The following CNTD1 variants were observed in gnomAD, a reference collection of about 807,000 sequenced individuals.
The protein encoded by CNTD1 is cyclin N-terminal domain containing 1, also known as cyclin N-terminal domain-containing protein 1.
In CNTD1, 17 loss-of-function variants were observed where a neutral mutation model predicts 36.3. The observed-to-expected ratio is 0.47, with a 90% CI of 0.32 to 0.70. The LOEUF is 0.70. Ranked by LOEUF, CNTD1 falls within the 30% of genes least tolerant of loss-of-function variation. The pLI is 0.03. For synonymous variants in CNTD1, 128 were observed against 153.3 expected, an observed-to-expected ratio of 0.83 and a Z score of 1.22; for missense variants, 338 against 386.1, an observed-to-expected ratio of 0.88 and a Z score of 1.04.
intron 6 of CNTD1, among the ~76,000 whole-genome samples, chr17:42,808,589 T>C (rs1238096012): frequency 1.4e-5 from 2 of 141,246 alleles, no homozygotes; most frequent in Non-Finnish European, 3.0e-5. Flanking sequence ...TAGCCGGGCA[T>C]GGTGGTGCAT....
chr17:42,806,742 T>A lies in CNTD1; in HGVS notation c.649T>A (p.Tyr217Asn). 1 of 1,614,186 alleles carries A rather than the reference T, an allele frequency of 6.2e-7. No homozygotes were observed. The highest frequency in any genetic ancestry group is 8.5e-7 in the Non-Finnish European group (1 of 1,180,016). ...ATCLTLLDLVYLLHEPIYESL... is the reference protein window; with the variant it reads ...ATCLTLLDLVNLLHEPIYESL... ...CTGCCTGACACTGCTCGACCTGGTC[T>A]ATCTTCTGCATGAACCCATATATGA... is the stretch of plus-strand genomic sequence containing the variant. Residue 217 changes from tyrosine (Y) to asparagine (N), a missense_variant, in exon 5 of 7, where the codon TAT becomes AAT. Tyr to Asn is a moderately radical substitution (Grantham distance 143). Coordinates refer to ENST00000588408, the MANE Select transcript of CNTD1 (RefSeq NM_173478.3).
At chr17:42,802,668 ATTG>A (rs1351295057) in intron 1 of CNTD1, among the ~76,000 whole-genome samples, 1 of 152,200 alleles carries the variant, frequency 6.6e-6, no homozygotes, top group African/African-American at 2.4e-5. Flanking sequence ...TGTTGAGTAG[ATTG>A]TTACTTGTGT....
rs1470457807 is a variant in CNTD1, at chr17:42,801,509, AAATATATAT to A, written c.170-2109_170-2101del. Among the ~76,000 whole-genome samples the A allele has an allele frequency of 1.0e-3, 52 of 50,270 alleles. 2 individuals carry two copies. The highest frequency in any genetic ancestry group is 8.0e-3 in the African/African-American group (49 of 6,132). 33.0% of individuals were successfully genotyped at this position (50,270 alleles called of 152,430 possible). ...AGACCTTGTCTCAAAAAAAAAAAAAAAATATATATATATATATATATATATATATATATA... is the reference window on the plus strand; with the variant it reads ...AGACCTTGTCTCAAAAAAAAAAAAAAATATATATATATATATATATATATA... On this transcript the variant is annotated intron_variant, in intron 1 of 6. Coordinates refer to ENST00000588408, the MANE Select transcript of CNTD1 (RefSeq NM_173478.3).
At position 42,810,937 on chromosome 17, in the gene CNTD1, G is replaced by C; in HGVS notation, c.*1402G>C. 1.3e-6 allele frequency: 2 copies of C among 1,596,962 alleles called. No homozygotes were observed. Among genetic ancestry groups the C allele is most frequent in the Non-Finnish European group, 1.7e-6 (2 of 1,171,648 alleles). The stretch of plus-strand genomic sequence containing the variant: ...CTTTCTCCACATCCATCCTGCAGAT[G>C]GACAGAGCAAAACTCATTAGTAACT... On this transcript the variant is annotated 3_prime_UTR_variant, in exon 7 of 7. Coordinates refer to ENST00000588408, the MANE Select transcript of CNTD1 (RefSeq NM_173478.3).
chr17:42,801,549 T>TATATATAAA (rs1567660361), intron 1 of CNTD1, among the ~76,000 whole-genome samples: 1 of 45,442 alleles, frequency 2.2e-5, no homozygotes, highest in Non-Finnish European at 4.1e-5. Context: ...ATATATATAA[T>TATATATAAA]ATATGTGTGT....
At chr17:42,807,716 G>C (rs2054904222) in intron 5 of CNTD1, 52 bp from the exon 6 acceptor site, 1 of 1,279,956 alleles carries the variant, frequency 7.8e-7, no homozygotes. Context: ...CTATGATTTG[G>C]AAGATCAAGT....
Position 42,811,251 on chromosome 17 carries a change from A to G in CNTD1, c.*1716A>G, listed in dbSNP as rs1449941969. 1 of 299,062 alleles carries G rather than the reference A, an allele frequency of 3.3e-6. No homozygotes were observed. Among genetic ancestry groups the G allele is most frequent in the Non-Finnish European group, 6.1e-6 (1 of 164,430 alleles). The allele number at this position is 299,062 out of a possible 1,614,324, so 18.5% of individuals were successfully genotyped here. Reference sequence around the variant, plus strand: ...TGGCGGGGGAGAAAGGAGGCAGAAGAAAAGAAATGCTTTGTTTTGGGGTGA... The same window carrying G: ...TGGCGGGGGAGAAAGGAGGCAGAAGGAAAGAAATGCTTTGTTTTGGGGTGA... On this transcript the variant is annotated 3_prime_UTR_variant, in exon 7 of 7. Transcript: ENST00000588408.
At position 42,805,826 on chromosome 17, in the gene CNTD1, C is replaced by T; in HGVS notation, c.522C>T (p.Asn174=). Residue 174 remains asparagine (N), a synonymous_variant, in exon 4 of 7, where the codon AAC becomes AAT. Transcript: ENST00000588408. ...ESELDVLKSL[N]FRINLPTPLA... ...AGCTTGATGTTTTGAAGTCCTTGAA[C>T]TTCCGAATTAATCTGCCCACTCCCC... The T allele has an allele frequency of 6.2e-7, 1 of 1,614,112 alleles. No homozygotes were observed. The highest frequency in any genetic ancestry group is 8.5e-7 in the Non-Finnish European group (1 of 1,179,958).
Position 42,799,005 on chromosome 17 carries a change from A to T in CNTD1, c.-63A>T. The T allele has an allele frequency of 6.3e-7, 1 of 1,581,932 alleles. No homozygotes were observed. The highest frequency in any genetic ancestry group is 1.8e-5 in the Admixed American group (1 of 55,074). ...AGGGTGTGGCAGAAGACTGGAGAGGAGCTAAGGGGGTCGGTATGTGGATCC... is the reference window on the plus strand; with the variant it reads ...AGGGTGTGGCAGAAGACTGGAGAGGTGCTAAGGGGGTCGGTATGTGGATCC... On this transcript the variant is annotated 5_prime_UTR_variant, in exon 1 of 7. Transcript: ENST00000588408.
chr17:42,810,822 A>C lies in CNTD1; in HGVS notation c.*1287A>C, dbSNP rs776784418. On this transcript the variant is annotated 3_prime_UTR_variant, in exon 7 of 7. Transcript: ENST00000588408. ...CCCCACTTAAGATTCGTCAGCATGA[A>C]CTTGAGAGCTTTTGTCCACTGCTCC... The C allele has an allele frequency of 1.2e-6, 2 of 1,613,568 alleles. No homozygotes were observed.
At chr17:42,809,265 T>C in intron 6 of CNTD1, 100 bp from the exon 7 acceptor site, 1 of 1,152,392 alleles carries the variant, frequency 8.7e-7, no homozygotes, top group Non-Finnish European at 1.2e-6. Context: ...AAAATGAATT[T>C]ACAATTGCCT....
intron 2 of CNTD1, 146 bp from the exon 3 acceptor site, chr17:42,804,079 T>C: frequency 3.0e-6 from 2 of 657,244 alleles, no homozygotes; most frequent in Non-Finnish European, 5.0e-6. Flanking sequence ...GCTCAAGTCA[T>C]CTGCCTGCCT....
chr17:42,807,340 A>G (rs549293180), intron 5 of CNTD1, among the ~76,000 whole-genome samples: 11 of 152,062 alleles, frequency 7.2e-5, no homozygotes, highest in Non-Finnish European at 1.6e-4. Flanking sequence ...GCGTGAACCC[A>G]GGAGGCGGAG....
intron 4 of CNTD1, among the ~76,000 whole-genome samples, chr17:42,806,396 T>C (rs2054879510): frequency 6.6e-6 from 1 of 152,136 alleles, no homozygotes; most frequent in South Asian, 2.1e-4. Context: ...TTGGACTCAC[T>C]AGGCACTCTT....
In CNTD1 at chr17:42,809,757, A is replaced by C; in HGVS notation, c.*222A>C. On this transcript the variant is annotated 3_prime_UTR_variant, in exon 7 of 7. Coordinates refer to ENST00000588408, the MANE Select transcript of CNTD1 (RefSeq NM_173478.3). ...AAATGTTAAAAAGCTAGGTGGAGAC[A>C]GATTAGTTGTTTCATTTTTGTTTAA... The C allele has an allele frequency of 2.1e-6, 1 of 473,128 alleles. No individual in the cohort carries two copies. The allele number at this position is 473,128 out of a possible 1,614,324, so 29.3% of individuals were successfully genotyped here.
rs528694035 is a variant in CNTD1, at chr17:42,810,533, G to A, written c.*998G>A. 2.5e-4 allele frequency: 94 copies of A among 372,350 alleles called. No individual in the cohort carries two copies. Among genetic ancestry groups the A allele is most frequent in the African/African-American group, 1.7e-3 (82 of 48,020 alleles). The allele number at this position is 372,350 out of a possible 1,614,324, so 23.1% of individuals were successfully genotyped here. ...AGAAGAAAGGGAAAGGAGTCCATGG[G>A]GTTAAGAATCAAAACTGACCAGGGC... On this transcript the variant is annotated 3_prime_UTR_variant, in exon 7 of 7. Transcript: ENST00000588408.
At chr17:42,801,828 TAAG>T (rs1424095802) in intron 1 of CNTD1, among the ~76,000 whole-genome samples, 1 of 151,664 alleles carries the variant, frequency 6.6e-6, no homozygotes, top group African/African-American at 2.4e-5. Flanking sequence ...GGAATTGGAG[TAAG>T]AAGACTTGTG....
Position 42,799,128 on chromosome 17 carries a change from G to C in CNTD1, c.61G>C (p.Ala21Pro), listed in dbSNP as rs1015917645. The C allele has an allele frequency of 6.2e-7, 1 of 1,613,942 alleles. No homozygotes were observed. The highest frequency in any genetic ancestry group is 8.5e-7 in the Non-Finnish European group (1 of 1,180,018). ...CGTTGACTTTCAGTTTGGAGTTGTC[G>C]CCACAGAGACGATTGAAGACGCCCT... ...SLVDFQFGVV[A>P]TETIEDALLH... is the part of the protein sequence containing the mutation. The change falls in exon 1 of 7, where the codon GCC becomes CCC. Residue 21 changes from alanine to proline, a missense_variant. Ala to Pro is a conservative substitution (Grantham distance 27). Coordinates refer to ENST00000588408, the MANE Select transcript of CNTD1 (RefSeq NM_173478.3).
Position 42,810,809 on chromosome 17 carries a change from T to G in CNTD1, c.*1274T>G, listed in dbSNP as rs1405551165. 1 of 1,613,636 alleles carries G rather than the reference T, an allele frequency of 6.2e-7. No individual in the cohort carries two copies. On this transcript the variant is annotated 3_prime_UTR_variant, in exon 7 of 7. Transcript: ENST00000588408. ...CACCCAAGCAAGACCCCACTTAAGA[T>G]TCGTCAGCATGAACTTGAGAGCTTT...
Sources: allele counts gnomAD v4.1 joint callset (sites outside exome capture counted in the v4.1 genomes callset), GRCh38; gene constraint gnomAD v4.1.1; transcripts MANE v1.5; gene names NCBI Gene and HGNC (gene_info 2026-07-23, HGNC 2026-07-21).